The following RBFOX1 variants were observed in gnomAD, a reference collection of about 807,000 sequenced individuals.
The protein encoded by RBFOX1 is RNA binding protein fox-1 homolog 1.
RBFOX1 carries 8 observed loss-of-function variants against 57.7 expected under a neutral mutation model. The observed-to-expected ratio is 0.14, with a 90% CI of 0.08 to 0.25. The LOEUF is 0.25. RBFOX1 is among the 10% of genes least tolerant of loss of function. The pLI, the probability that RBFOX1 is intolerant of heterozygous loss-of-function variation, is 1.00. For missense variants in RBFOX1, 611 were observed against 548.5 expected (o/e 1.11, Z -1.14); for synonymous variants, 326 against 222.4 (o/e 1.47, Z -4.15).
chr16:6,476,206 C>T (rs1038376421), intron 2 of RBFOX1, among the ~76,000 whole-genome samples: 5 of 152,072 alleles, frequency 3.3e-5, no homozygotes, highest in African/African-American at 1.2e-4. Context: ...AAATAATAAG[C>T]ACCTATAATC....
intron 3 of RBFOX1, among the ~76,000 whole-genome samples, chr16:6,878,485 A>G (rs753247706): frequency 6.6e-6 from 1 of 152,208 alleles, no homozygotes; most frequent in Admixed American, 6.5e-5. Flanking sequence ...TCCATGATGG[A>G]CATGTGATAT....
intron 2 of RBFOX1, among the ~76,000 whole-genome samples, chr16:6,437,799 C>T (rs1344606084): frequency 2.6e-5 from 4 of 152,080 alleles, no homozygotes; most frequent in Non-Finnish European, 5.9e-5. Context: ...AACCAGACCT[C>T]GTGAGAACTC....
intron 13 of RBFOX1, among the ~76,000 whole-genome samples, chr16:7,675,365 C>T (rs2072960629): frequency 1.3e-5 from 2 of 151,620 alleles, no homozygotes; most frequent in Non-Finnish European, 1.5e-5. Flanking sequence ...TGGCTAAGAC[C>T]TCTTTTTGTT....
At chr16:6,933,607 G>T (rs572413862) in intron 3 of RBFOX1, among the ~76,000 whole-genome samples, 2 of 152,200 alleles carry the variant, frequency 1.3e-5, no homozygotes, top group East Asian at 1.9e-4. Context: ...CAGCTACTCC[G>T]GAGGCTGAAG....
chr16:6,845,110 T>C (rs543751087), intron 3 of RBFOX1, among the ~76,000 whole-genome samples: 7 of 151,328 alleles, frequency 4.6e-5, no homozygotes, highest in Non-Finnish European at 8.8e-5. Flanking sequence ...ATTGCGAACA[T>C]TGTCTGCCAT....
intron 4 of RBFOX1, among the ~76,000 whole-genome samples, chr16:7,095,874 G>T (rs138655433): frequency 2.0e-5 from 3 of 151,884 alleles, no homozygotes; most frequent in Non-Finnish European, 4.4e-5. Context: ...TTAGCCAGGC[G>T]TGGTGGCGGG....
At chr16:6,269,993 C>G (rs1370105899) in intron 1 of RBFOX1, among the ~76,000 whole-genome samples, 1 of 152,046 alleles carries the variant, frequency 6.6e-6, no homozygotes, top group Non-Finnish European at 1.5e-5. Context: ...ACACTTCATT[C>G]AAACTGGTGA....
chr16:7,657,766 C>T (rs2066687599), intron 12 of RBFOX1, among the ~76,000 whole-genome samples: 1 of 152,120 alleles, frequency 6.6e-6, no homozygotes. Context: ...ATCATTCCTC[C>T]AGGGGTAGGG....
intron 4 of RBFOX1, among the ~76,000 whole-genome samples, chr16:7,154,259 C>T (rs2076658849): frequency 6.6e-6 from 1 of 152,138 alleles, no homozygotes; most frequent in Non-Finnish European, 1.5e-5. Context: ...GAAGACATGG[C>T]AGAGATACTT....
chr16:7,668,537 G>A (rs1334362786), intron 13 of RBFOX1, among the ~76,000 whole-genome samples: 3 of 152,088 alleles, frequency 2.0e-5, no homozygotes, highest in Non-Finnish European at 4.4e-5. Context: ...ACTGCCTCTA[G>A]CCACAGTGGA....
At chr16:7,654,996 A>G (rs1419943444) in intron 12 of RBFOX1, among the ~76,000 whole-genome samples, 2 of 152,170 alleles carry the variant, frequency 1.3e-5, no homozygotes, top group African/African-American at 4.8e-5. Context: ...TTCCCTGGCC[A>G]GTGACTGGCT....
chr16:6,875,145 A>C (rs2061606102), intron 3 of RBFOX1, among the ~76,000 whole-genome samples: 1 of 152,212 alleles, frequency 6.6e-6, no homozygotes, highest in African/African-American at 2.4e-5. Context: ...CCATTTAATC[A>C]TATAATGCCT....
chr16:6,478,429 A>ATATATATATTTTT (rs1159954387), intron 2 of RBFOX1, among the ~76,000 whole-genome samples: 1 of 24,624 alleles, frequency 4.1e-5, no homozygotes, highest in Non-Finnish European at 7.8e-5. Flanking sequence ...ATATATATAT[A>ATATATATATTTTT]TTTTTTTTTT....
intron 4 of RBFOX1, among the ~76,000 whole-genome samples, chr16:7,062,293 G>A (rs2054569269): frequency 8.0e-6 from 1 of 124,496 alleles, no homozygotes; most frequent in East Asian, 2.5e-4. Flanking sequence ...ACTCCAGTCT[G>A]AGAGACAGAG....
At chr16:6,719,302 A>G (rs527537627) in intron 3 of RBFOX1, among the ~76,000 whole-genome samples, 1 of 152,356 alleles carries the variant, frequency 6.6e-6, no homozygotes, top group African/African-American at 2.4e-5. Flanking sequence ...AGAGGAAAAA[A>G]TAGCCCACTT....
chr16:5,607,531 T>C (rs987944419), intron 3 of RBFOX1, among the ~76,000 whole-genome samples: 1 of 152,194 alleles, frequency 6.6e-6, no homozygotes, highest in Non-Finnish European at 1.5e-5. Context: ...CGGGTTTCAA[T>C]GTTGGCATTG....
chr16:6,094,598 T>A (rs2096221472), intron 1 of RBFOX1, among the ~76,000 whole-genome samples: 1 of 152,198 alleles, frequency 6.6e-6, no homozygotes, highest in Admixed American at 6.5e-5. Context: ...AGGTCATAGA[T>A]AAGAGCTCTG....
chr16:5,736,502 G>A (rs1239381310), intron 3 of RBFOX1, among the ~76,000 whole-genome samples: 1 of 152,154 alleles, frequency 6.6e-6, no homozygotes, highest in Non-Finnish European at 1.5e-5. Context: ...CTGCTTCCCA[G>A]TGAGAGGAGG....
intron 3 of RBFOX1, among the ~76,000 whole-genome samples, chr16:6,856,040 T>C (rs1185922253): frequency 6.6e-6 from 1 of 152,092 alleles, no homozygotes; most frequent in Non-Finnish European, 1.5e-5. Flanking sequence ...ATGGTGCTCA[T>C]GGTATATGTC....
Sources: gnomAD v4.1 joint callset for allele counts (sites outside exome capture counted in the v4.1 genomes callset) on GRCh38, gnomAD v4.1.1 for gene constraint, MANE v1.5 for transcripts, NCBI Gene and HGNC (gene_info 2026-07-23, HGNC 2026-07-21) for gene names.